Variants in TBCD observed in about 807,000 individuals in gnomAD.
The protein encoded by TBCD is tubulin folding cofactor D, also known as tubulin-specific chaperone D.
TBCD carries 105 observed loss-of-function variants against 169.3 expected under a neutral mutation model. The ratio of observed to expected loss-of-function variants is 0.62; its 90% CI spans 0.53 to 0.73. TBCD has a LOEUF of 0.73. TBCD is among the 30% of genes least tolerant of loss of function. The pLI is 0.00. For synonymous variants in TBCD, 700 were observed against 643.9 expected (o/e 1.09, Z -1.32); for missense variants, 1,444 against 1,600.1 (o/e 0.90, Z 1.66).
intron 22 of TBCD, 56 bp downstream of exon 22, chr17:82,909,363 G>A: frequency 8.4e-6 from 12 of 1,436,454 alleles, no homozygotes; most frequent in Non-Finnish European, 1.1e-5. Context: ...GAACTGCGCT[G>A]TCAGGAGCAG....
chr17:82,828,814 G>A (rs972804366), intron 13 of TBCD, among the ~76,000 whole-genome samples: 12 of 145,252 alleles, frequency 8.3e-5, no homozygotes, highest in African/African-American at 3.1e-4. Context: ...CACACCCACA[G>A]GATCGAATGT....
At position 82,855,367 on chromosome 17, in the gene TBCD, C is replaced by T. The variant is rs140320986; in HGVS notation, c.1319-14857C>T. Among the ~76,000 whole-genome samples the T allele has an allele frequency of 5.8e-4, 87 of 149,804 alleles. 1 individual carries two copies. The highest frequency in any genetic ancestry group is 5.5e-3 in the East Asian group (28 of 5,062). ...GCAGTCTTGGCCTCCTGGACTAAAG[C>T]GATCCTTCCACCTCAGCCTCCCAAG... On this transcript the variant is annotated intron_variant, in intron 13 of 38. Coordinates refer to ENST00000355528, the MANE Select transcript of TBCD (RefSeq NM_005993.5).
chr17:82,774,563 G>A (rs967303708), intron 6 of TBCD, among the ~76,000 whole-genome samples: 2 of 152,280 alleles, frequency 1.3e-5, no homozygotes, highest in East Asian at 3.9e-4. Flanking sequence ...GAGCTGTTGG[G>A]TACACCTCCC....
Position 82,889,689 on chromosome 17 carries a change from G to T in TBCD, c.1555G>T (p.Gly519Trp). ...GCAGGCCGCCTTCCAGGAGAATGTG[G>T]GGAGACAGGTATGGCTGCTTTCAAA... ...AASAAFQENVGRQGTFPHGID... is the reference protein window; with the variant it reads ...AASAAFQENVWRQGTFPHGID... The change falls in exon 16 of 39, where the codon GGG becomes TGG. Residue 519 changes from glycine (G) to tryptophan (W), a missense_variant. Coordinates refer to ENST00000355528, the MANE Select transcript of TBCD (RefSeq NM_005993.5). This position sits in a 1 kb window ranked among gnomAD's most constrained non-coding sequence, Gnocchi z 5.3. The T allele has an allele frequency of 6.2e-7, 1 of 1,613,676 alleles. No homozygotes were observed. Among genetic ancestry groups the T allele is most frequent in the Non-Finnish European group, 8.5e-7 (1 of 1,179,798 alleles).
At chr17:82,924,815 G>T in intron 26 of TBCD, 124 bp from the exon 27 acceptor site, 2 of 697,144 alleles carry the variant, frequency 2.9e-6, no homozygotes, top group Non-Finnish European at 2.4e-6. Context: ...TGTCTGCTTT[G>T]GGAACCTCAG....
chr17:82,803,831 A>G (rs948509101), intron 9 of TBCD, among the ~76,000 whole-genome samples: 2 of 148,392 alleles, frequency 1.3e-5, no homozygotes, highest in Admixed American at 1.3e-4. Flanking sequence ...TTGCGTGAGG[A>G]GAATGGCGGC....
chr17:82,778,507 C>T (rs1005269382), intron 6 of TBCD, among the ~76,000 whole-genome samples: 4 of 151,892 alleles, frequency 2.6e-5, no homozygotes, highest in East Asian at 1.9e-4. Flanking sequence ...TGCCCAGGCG[C>T]GAGTGCAGTG....
In TBCD at chr17:82,832,278, C is replaced by G. The variant is rs769637910; in HGVS notation, c.1318+17344C>G. 1 of 1,614,114 alleles carries G rather than the reference C, an allele frequency of 6.2e-7. No homozygotes were observed. The highest frequency in any genetic ancestry group is 8.5e-7 in the Non-Finnish European group (1 of 1,180,054). Reference sequence around the variant, plus strand: ...ATTTAGGGCACTTGGGAACTCGATCCTGCTCTGATACTAAAGTAATCGAGT... The same window carrying G: ...ATTTAGGGCACTTGGGAACTCGATCGTGCTCTGATACTAAAGTAATCGAGT... On this transcript the variant is annotated intron_variant, in intron 13 of 38. Coordinates refer to ENST00000355528, the MANE Select transcript of TBCD (RefSeq NM_005993.5). This position sits in a 1 kb window ranked among gnomAD's most constrained non-coding sequence, Gnocchi z 4.9.
intron 2 of TBCD, among the ~76,000 whole-genome samples, chr17:82,758,542 G>A (rs2047566500): frequency 6.7e-6 from 1 of 149,786 alleles, no homozygotes; most frequent in African/African-American, 2.4e-5. Context: ...GAGCCAGCGT[G>A]CCCAGCTGAG....
At position 82,756,233 on chromosome 17, in the gene TBCD, T is replaced by C; in HGVS notation, c.235+18T>C. 3.7e-6 allele frequency: 6 copies of C among 1,603,136 alleles called. No homozygotes were observed. Among genetic ancestry groups the C allele is most frequent in the Non-Finnish European group, 5.1e-6 (6 of 1,174,354 alleles). ...GCACCTTGGTAAGAATAGAAGCTGC[T>C]GATTTTGATCATTCAGTTACAGATG... is the stretch of plus-strand genomic sequence containing the variant. On this transcript the variant is annotated intron_variant, in intron 2 of 38. Coordinates refer to ENST00000355528, the MANE Select transcript of TBCD (RefSeq NM_005993.5).
At chr17:82,811,274 C>A (rs957953994) in intron 12 of TBCD, among the ~76,000 whole-genome samples, 2 of 152,234 alleles carry the variant, frequency 1.3e-5, no homozygotes, top group African/African-American at 4.8e-5. Context: ...CCTCCAGCCG[C>A]TGGGCGGCCT....
At position 82,800,956 on chromosome 17, in the gene TBCD, CTG is replaced by C; in HGVS notation, c.911_912del (p.Leu304ArgfsTer34). 1 of 1,607,364 alleles carries C rather than the reference CTG, an allele frequency of 6.2e-7. No individual in the cohort carries two copies. ...RKLGVKLVQR[L>X]GLTFLKPKVA... ...GCTGGGGGTGAAGCTTGTGCAGCGA[CTG>C]GGGCTGACATTCCTGAAGCCGAAGG... is the stretch of plus-strand genomic sequence containing the variant. On this transcript the variant is annotated frameshift_variant, in exon 9 of 39. Transcript: ENST00000355528. LOFTEE classifies it high-confidence loss of function.
At chr17:82,792,167 G>C (rs964231120) in intron 7 of TBCD, among the ~76,000 whole-genome samples, 4 of 152,158 alleles carry the variant, frequency 2.6e-5, no homozygotes, top group African/African-American at 9.6e-5. Flanking sequence ...AATTAGCCGG[G>C]CGTGGTGGCG....
chr17:82,924,391 G>A (rs2061596525), intron 26 of TBCD, among the ~76,000 whole-genome samples: 2 of 152,340 alleles, frequency 1.3e-5, no homozygotes, highest in South Asian at 4.1e-4. Context: ...CGTAGCTGCT[G>A]TGCCGCCTCA....
chr17:82,852,773 G>A (rs546384649), intron 13 of TBCD, among the ~76,000 whole-genome samples: 16 of 152,358 alleles, frequency 1.1e-4, no homozygotes, highest in African/African-American at 3.8e-4. Flanking sequence ...CCATCTGTCA[G>A]TTGGTAGACG....
rs1391057840 is a variant in TBCD at position 82,923,173 on chromosome 17, AT to A, written c.2179-476del. Among the ~76,000 whole-genome samples, 1 of 152,108 alleles carries A rather than the reference AT, an allele frequency of 6.6e-6. No individual in the cohort carries two copies. Among genetic ancestry groups the A allele is most frequent in the Non-Finnish European group, 1.5e-5 (1 of 68,024 alleles). ...AGTGTATGCCTTTTTCTTCATAACT[AT>A]TTCTGGGAAAGAAAAATATGCTCCA... On this transcript the variant is annotated intron_variant, in intron 25 of 38. Coordinates refer to ENST00000355528, the MANE Select transcript of TBCD (RefSeq NM_005993.5). This position sits in a 1 kb window ranked among gnomAD's most constrained non-coding sequence, Gnocchi z 4.6.
chr17:82,808,578 G>T (rs1475456486), intron 11 of TBCD, among the ~76,000 whole-genome samples: 1 of 132,794 alleles, frequency 7.5e-6, no homozygotes, highest in African/African-American at 2.9e-5. Context: ...GTTGGCCCCT[G>T]CTGTGGAGGG....
intron 13 of TBCD, chr17:82,860,335 T>C (rs532623963): frequency 1.6e-5 from 16 of 977,260 alleles, no homozygotes; most frequent in Non-Finnish European, 1.9e-5. Context: ...TCCCCTCTGG[T>C]GGCCTTTCGC....
At chr17:82,860,411 G>A (rs1215160437) in intron 13 of TBCD, 4 of 985,412 alleles carry the variant, frequency 4.1e-6, no homozygotes, top group Non-Finnish European at 4.8e-6. Context: ...GGCAGTGAGC[G>A]GACAGCGAGG....
Sources: allele counts gnomAD v4.1 joint callset (sites outside exome capture counted in the v4.1 genomes callset), GRCh38; gene constraint gnomAD v4.1.1; non-coding constraint Gnocchi (gnomAD v3.1); transcripts MANE v1.5; gene names NCBI Gene and HGNC (gene_info 2026-07-23, HGNC 2026-07-21).